SNX13: variants seen among roughly 807,000 people sequenced by gnomAD.
SNX13 encodes the protein sorting nexin 13, also known as sorting nexin-13.
SNX13 carries 45 observed loss-of-function variants against 133.6 expected under a neutral mutation model. The observed-to-expected ratio is 0.34, with a 90% CI of 0.27 to 0.43. SNX13 has a LOEUF of 0.43. Ranked by LOEUF, SNX13 falls within the 20% of genes least tolerant of loss-of-function variation. The probability of loss-of-function intolerance (pLI) is 1.00; values close to 1 mark genes in which losing one functional copy is unlikely to be tolerated. For missense variants in SNX13, 1,032 were observed against 1,145.1 expected (o/e 0.90, Z 1.43); for synonymous variants, 414 against 373.9 (o/e 1.11, Z -1.24).
intron 13 of SNX13, among the ~76,000 whole-genome samples, chr7:17,839,022 A>C (rs1293112972): frequency 1.3e-5 from 2 of 149,878 alleles, no homozygotes; most frequent in Non-Finnish European, 3.0e-5. Flanking sequence ...TAGAATTGTT[A>C]TTAGATTAGA....
chr7:17,914,244 T>C (rs1428266484), intron 1 of SNX13, among the ~76,000 whole-genome samples: 1 of 150,338 alleles, frequency 6.7e-6, no homozygotes, highest in East Asian at 1.9e-4. Context: ...GATTATGTAA[T>C]GCAATCAAAC....
intron 8 of SNX13, 43 bp from the exon 9 acceptor site, chr7:17,868,533 T>C: frequency 7.1e-7 from 1 of 1,412,538 alleles, no homozygotes; most frequent in Non-Finnish European, 9.8e-7. Flanking sequence ...AATCTATTTC[T>C]GAAATCAACA....
intron 11 of SNX13, among the ~76,000 whole-genome samples, chr7:17,848,668 G>T (rs950380423): frequency 1.4e-4 from 22 of 152,172 alleles, no homozygotes; most frequent in African/African-American, 5.1e-4. Context: ...CTCTCGCGAG[G>T]GGTGGAATAC....
At chr7:17,814,357 G>A (rs940789153) in intron 20 of SNX13, among the ~76,000 whole-genome samples, 9 of 151,996 alleles carry the variant, frequency 5.9e-5, no homozygotes, top group African/African-American at 1.9e-4. Flanking sequence ...CCTAATTTAA[G>A]CACTTATTTA....
At chr7:17,907,545 T>A (rs1048627106) in intron 1 of SNX13, among the ~76,000 whole-genome samples, 2 of 152,106 alleles carry the variant, frequency 1.3e-5, no homozygotes, top group Non-Finnish European at 2.9e-5. Flanking sequence ...AAAACAGAAA[T>A]ATCTGGAATC....
Position 17,792,945 on chromosome 7 carries a change from T to C in SNX13, c.*1100A>G, listed in dbSNP as rs1202754716. ...CTTTATTTTGTAGAACTTTACATTA[T>C]GTGAAATATAAATAAAAGCATATTT... is the stretch of plus-strand genomic sequence containing the variant. On this transcript the variant is annotated 3_prime_UTR_variant, in exon 26 of 26. Transcript: ENST00000428135. The C allele has an allele frequency of 1.3e-5, 2 of 152,334 alleles. No homozygotes were observed. The highest frequency in any genetic ancestry group is 3.8e-4 in the East Asian group (2 of 5,200). 9.4% of individuals were successfully genotyped at this position (152,334 alleles called of 1,614,324 possible). A position where few individuals can be genotyped will look rare whatever the true frequency, so the allele number is the denominator to read the frequency against.
chr7:17,826,586 A>G (rs1184851387), intron 16 of SNX13, among the ~76,000 whole-genome samples: 1 of 152,092 alleles, frequency 6.6e-6, no homozygotes, highest in African/African-American at 2.4e-5. Context: ...GAGATTAAAT[A>G]AGACATGTAA....
intron 11 of SNX13, among the ~76,000 whole-genome samples, chr7:17,847,482 C>A (rs1790684498): frequency 6.6e-6 from 1 of 152,132 alleles, no homozygotes; most frequent in Non-Finnish European, 1.5e-5. Context: ...CAGGCATATG[C>A]CACCACGGTT....
At chr7:17,888,456 A>G (rs1796257759) in intron 5 of SNX13, 1 of 205,738 alleles carries the variant, frequency 4.9e-6, no homozygotes, top group Admixed American at 5.9e-5. Flanking sequence ...AACTAAGATA[A>G]ATAACCTAGA....
chr7:17,865,488 A>C (rs980271194), intron 9 of SNX13, among the ~76,000 whole-genome samples: 4 of 152,158 alleles, frequency 2.6e-5, no homozygotes, highest in Non-Finnish European at 5.9e-5. Context: ...ATAAGACACA[A>C]AAAAAATGAA....
intron 7 of SNX13, among the ~76,000 whole-genome samples, chr7:17,873,853 A>C (rs1482654414): frequency 6.6e-6 from 1 of 152,162 alleles, no homozygotes; most frequent in African/African-American, 2.4e-5. Context: ...CAGTTTTTTG[A>C]ATCATAAAAA....
intron 1 of SNX13, among the ~76,000 whole-genome samples, chr7:17,900,911 G>A (rs1272216886): frequency 6.6e-6 from 1 of 151,972 alleles, no homozygotes; most frequent in East Asian, 2.0e-4. Flanking sequence ...AACTGGAAAT[G>A]TACTAGGTCA....
intron 20 of SNX13, among the ~76,000 whole-genome samples, chr7:17,805,254 T>TGCGCGCGCGCGCGCGCGCGCGCGCGC (rs56000068): frequency 7.6e-6 from 1 of 132,440 alleles, no homozygotes. Context: ...TGTGTGTGCG[T>TGCGCGCGCGCGCGCGCGCGCGCGCGC]GCGCGCGCGC....
At chr7:17,918,265 C>T (rs1260150638) in intron 1 of SNX13, among the ~76,000 whole-genome samples, 8 of 151,994 alleles carry the variant, frequency 5.3e-5, no homozygotes, top group African/African-American at 1.7e-4. Context: ...GCAACAATAC[C>T]AAAAATTGAC....
At chr7:17,848,528 G>C (rs1248940763) in intron 11 of SNX13, among the ~76,000 whole-genome samples, 4 of 152,204 alleles carry the variant, frequency 2.6e-5, no homozygotes, top group South Asian at 2.1e-4. Flanking sequence ...AGAGAGCGCT[G>C]TAACACACCT....
intron 20 of SNX13, among the ~76,000 whole-genome samples, chr7:17,806,387 G>A (rs1020237058): frequency 1.3e-5 from 2 of 152,138 alleles, no homozygotes; most frequent in Non-Finnish European, 2.9e-5. Context: ...TTGATAAAAT[G>A]TTTGCAGATG....
chr7:17,904,253 C>A (rs1798155830), intron 1 of SNX13, among the ~76,000 whole-genome samples: 1 of 152,186 alleles, frequency 6.6e-6, no homozygotes, highest in Non-Finnish European at 1.5e-5. Flanking sequence ...TTCTGCATAA[C>A]CTTTGCAAAA....
At chr7:17,842,373 A>G (rs1203272474) in intron 12 of SNX13, among the ~76,000 whole-genome samples, 1 of 152,018 alleles carries the variant, frequency 6.6e-6, no homozygotes, top group Admixed American at 6.6e-5. Context: ...ACTATACTTC[A>G]AAATGAGAGA....
At chr7:17,858,774 G>C (rs1273207892) in intron 9 of SNX13, among the ~76,000 whole-genome samples, 3 of 152,052 alleles carry the variant, frequency 2.0e-5, no homozygotes, top group Non-Finnish European at 4.4e-5. Flanking sequence ...TACACAAAGA[G>C]AGCAACAGAA....
Sources: allele counts gnomAD v4.1 joint callset (sites outside exome capture counted in the v4.1 genomes callset), GRCh38; gene constraint gnomAD v4.1.1; transcripts MANE v1.5; gene names NCBI Gene and HGNC (gene_info 2026-07-23, HGNC 2026-07-21).